Variants in CBLN2 observed in about 807,000 individuals in gnomAD.
CBLN2 encodes cerebellin-2.
A neutral mutation model predicts 15.0 loss-of-function variants in CBLN2; 7 were observed. That is an observed-to-expected ratio of 0.47 (90% CI 0.27 to 0.88). CBLN2 has a LOEUF of 0.88. CBLN2 is among the 40% of genes least tolerant of loss of function. The pLI, the probability that CBLN2 is intolerant of heterozygous loss-of-function variation, is 0.14. For missense variants in CBLN2, 242 were observed against 304.5 expected, an observed-to-expected ratio of 0.79 and a Z score of 1.53; for synonymous variants, 149 against 135.2, an observed-to-expected ratio of 1.10 and a Z score of -0.71.
chr18:72,537,813 C>T lies in CBLN2; in HGVS notation c.*363G>A, dbSNP rs1390142653. On this transcript the variant is annotated 3_prime_UTR_variant, in exon 5 of 5. Transcript: ENST00000269503. The stretch of plus-strand genomic sequence containing the variant: ...TGCAACCTGCAGCCCATCCTGGAGT[C>T]AGGAGCTCTCCTTCCGTTGGGACGA... 2 of 311,568 alleles carry T rather than the reference C, an allele frequency of 6.4e-6. No individual in the cohort carries two copies. The highest frequency in any genetic ancestry group is 4.3e-5 in the African/African-American group (2 of 45,994). 19.3% of individuals were successfully genotyped at this position (311,568 alleles called of 1,614,324 possible). A position where few individuals can be genotyped will look rare whatever the true frequency, so the allele number is the denominator to read the frequency against.
intron 1 of CBLN2, among the ~76,000 whole-genome samples, chr18:72,553,874 G>C (rs976876062): frequency 6.6e-6 from 1 of 152,176 alleles, no homozygotes; most frequent in African/African-American, 2.4e-5. Context: ...ATCTGAACTT[G>C]GAGAAATTCG....
intron 1 of CBLN2, among the ~76,000 whole-genome samples, chr18:72,596,163 T>C (rs2144936609): frequency 6.6e-6 from 1 of 152,184 alleles, no homozygotes; most frequent in South Asian, 2.1e-4. Context: ...TTGTGTTTTG[T>C]ATTTTTTGTG....
chr18:72,579,269 C>CATAATGATAATG (rs1203932922), intron 1 of CBLN2, among the ~76,000 whole-genome samples: 1 of 152,098 alleles, frequency 6.6e-6, no homozygotes, highest in Admixed American at 6.5e-5. Context: ...TTCTCAAAAG[C>CATAATGATAATG]ATAATGAAAG....
chr18:72,575,023 TTATAG>T (rs2069355809), intron 1 of CBLN2, among the ~76,000 whole-genome samples: 1 of 152,052 alleles, frequency 6.6e-6, no homozygotes, highest in African/African-American at 2.4e-5. Context: ...GTGGAAGTGA[TTATAG>T]TGAGTAAGCA....
chr18:72,612,784 A>G (rs2069631054), intron 1 of CBLN2, among the ~76,000 whole-genome samples: 1 of 152,066 alleles, frequency 6.6e-6, no homozygotes, highest in African/African-American at 2.4e-5. Context: ...TTTTTGTTTT[A>G]TATTTTATGG....
chr18:72,625,324 C>A (rs563016664), intron 1 of CBLN2: 1 of 152,056 alleles, frequency 6.6e-6, no homozygotes, highest in African/African-American at 2.4e-5. Context: ...GGGCTGTGGA[C>A]GCTCAGGAGG....
chr18:72,591,080 G>T (rs1198028755), intron 1 of CBLN2, among the ~76,000 whole-genome samples: 1 of 152,032 alleles, frequency 6.6e-6, no homozygotes, highest in Non-Finnish European at 1.5e-5. Context: ...TCATCAATAT[G>T]CCAAGAGCCA....
intron 1 of CBLN2, among the ~76,000 whole-genome samples, chr18:72,553,854 C>T (rs984752394): frequency 6.6e-6 from 1 of 152,322 alleles, no homozygotes; most frequent in African/African-American, 2.4e-5. Flanking sequence ...GTTATAAACT[C>T]TGATCAAAGA....
intron 1 of CBLN2, among the ~76,000 whole-genome samples, chr18:72,634,862 GGA>G (rs2069801896): frequency 6.6e-6 from 1 of 152,054 alleles, no homozygotes; most frequent in Non-Finnish European, 1.5e-5. Flanking sequence ...GTTTGCTTTT[GGA>G]GATTTGGAAA....
intron 1 of CBLN2, among the ~76,000 whole-genome samples, chr18:72,569,776 C>A (rs1250313668): frequency 6.6e-6 from 1 of 152,158 alleles, no homozygotes; most frequent in African/African-American, 2.4e-5. Flanking sequence ...AGGCAATAAG[C>A]AGTTCATGAG....
intron 1 of CBLN2, chr18:72,618,792 A>T (rs1214896021): frequency 1.4e-6 from 1 of 734,550 alleles, no homozygotes; most frequent in Non-Finnish European, 2.5e-6. Context: ...ACAACTGTAA[A>T]GTTAGGAAAG....
chr18:72,565,584 T>C (rs1200318547), intron 1 of CBLN2, among the ~76,000 whole-genome samples: 2 of 152,184 alleles, frequency 1.3e-5, no homozygotes, highest in African/African-American at 4.8e-5. Context: ...AGAAAGTCTA[T>C]ATGAGAATTT....
chr18:72,566,622 T>A (rs1018422591), intron 1 of CBLN2, among the ~76,000 whole-genome samples: 1 of 152,084 alleles, frequency 6.6e-6, no homozygotes, highest in Non-Finnish European at 1.5e-5. Flanking sequence ...TAGAATTCAA[T>A]AGAGTGGTGG....
intron 1 of CBLN2, chr18:72,625,041 G>C (rs1472150336): frequency 6.6e-6 from 1 of 152,106 alleles, no homozygotes; most frequent in Admixed American, 6.6e-5. Flanking sequence ...GTAAGTGAAG[G>C]TGCTTTAGGG....
chr18:72,614,004 T>C (rs779856654), intron 1 of CBLN2, among the ~76,000 whole-genome samples: 2 of 152,202 alleles, frequency 1.3e-5, no homozygotes, highest in Non-Finnish European at 2.9e-5. Context: ...CCTCTGTTAC[T>C]CCCTGTCAGA....
At chr18:72,539,875 A>G (rs1469986557) in intron 3 of CBLN2, 1 of 152,172 alleles carries the variant, frequency 6.6e-6, no homozygotes, top group Non-Finnish European at 1.5e-5. Context: ...TTGTTACCTA[A>G]TGGGAATACA....
chr18:72,560,626 A>G (rs1176165861), intron 1 of CBLN2, among the ~76,000 whole-genome samples: 1 of 152,142 alleles, frequency 6.6e-6, no homozygotes, highest in Middle Eastern at 3.4e-3. Flanking sequence ...TAAAATAGTT[A>G]CTCTCTGGTC....
intron 1 of CBLN2, among the ~76,000 whole-genome samples, chr18:72,597,032 T>C (rs2069518097): frequency 6.6e-6 from 1 of 152,234 alleles, no homozygotes; most frequent in Admixed American, 6.5e-5. Flanking sequence ...CTATCTCTAC[T>C]TTAATACCAA....
chr18:72,541,830 G>C lies in CBLN2; in HGVS notation c.331C>G (p.Arg111Gly). Residue 111 changes from arginine (R) to glycine (G), a missense_variant, in exon 3 of 5, where the codon CGC (arginine) becomes GGC (glycine). This residue lies in a region of CBLN2 where 89 missense variants were observed against 114.2 expected (regional missense o/e 0.78). Coordinates refer to ENST00000269503, the MANE Select transcript of CBLN2 (RefSeq NM_182511.4). Reference sequence around the variant, plus strand: ...TGGTCGAAATAGATGGTCATGGTGCGGTTGCTCATCTCGGACGGCTCGTGG... The same window carrying C: ...TGGTCGAAATAGATGGTCATGGTGCCGTTGCTCATCTCGGACGGCTCGTGG... Reference protein sequence around the residue: ...TNHEPSEMSNRTMTIYFDQVL... With the variant: ...TNHEPSEMSNGTMTIYFDQVL... The C allele has an allele frequency of 3.2e-6, 5 of 1,586,400 alleles. No homozygotes were observed. Among genetic ancestry groups the C allele is most frequent in the Non-Finnish European group, 4.3e-6 (5 of 1,168,850 alleles).
Sources: gnomAD v4.1 joint callset for allele counts (sites outside exome capture counted in the v4.1 genomes callset) on GRCh38, gnomAD v4.1.1 for gene constraint, gnomAD v4.1.1 regional missense constraint, MANE v1.5 for transcripts, NCBI Gene and HGNC (gene_info 2026-07-23, HGNC 2026-07-21) for gene names.